Variants in EEF1E1 observed in about 807,000 individuals in gnomAD.
EEF1E1 encodes the protein eukaryotic translation elongation factor 1 epsilon-1.
A neutral mutation model predicts 19.9 loss-of-function variants in EEF1E1; 19 were observed. The observed-to-expected ratio is 0.95, with a 90% CI of 0.66 to 1.40. EEF1E1 has a LOEUF of 1.40. Among genes scored for constraint, EEF1E1 ranks in the 40% most tolerant of loss-of-function variants. The probability of loss-of-function intolerance (pLI) is 0.00; values close to 1 mark genes in which losing one functional copy is unlikely to be tolerated. For synonymous variants in EEF1E1, 81 were observed against 80.0 expected (o/e 1.01, Z -0.07); for missense variants, 198 against 202.2 (o/e 0.98, Z 0.13).
intron 1 of EEF1E1, among the ~76,000 whole-genome samples, chr6:8,101,225 C>CAA (rs778878465): frequency 0.019 from 59 of 3,092 alleles, 10 homozygotes; most frequent in Non-Finnish European, 0.024. Context: ...GACTTTGTCT[C>CAA]AAAAAAAAAA....
chr6:8,095,136 T>G (rs1758130075), intron 2 of EEF1E1, among the ~76,000 whole-genome samples: 1 of 152,148 alleles, frequency 6.6e-6, no homozygotes, highest in African/African-American at 2.4e-5. Context: ...TAACATGTTA[T>G]TAAAAGGAGA....
chr6:8,096,371 G>A (rs1315022035), intron 2 of EEF1E1, among the ~76,000 whole-genome samples: 1 of 152,118 alleles, frequency 6.6e-6, no homozygotes, highest in Non-Finnish European at 1.5e-5. Context: ...CCCTGTGAAT[G>A]ACCAATATGG....
chr6:8,073,705 A>T (rs540704015), intron 3 of EEF1E1, among the ~76,000 whole-genome samples: 27 of 152,368 alleles, frequency 1.8e-4, no homozygotes, highest in African/African-American at 6.5e-4. Flanking sequence ...CATGAAAATT[A>T]AATTGTCAGT....
chr6:8,082,279 T>TATTA (rs1296797614), intron 3 of EEF1E1, among the ~76,000 whole-genome samples: 5 of 152,114 alleles, frequency 3.3e-5, no homozygotes, highest in African/African-American at 1.2e-4. Context: ...ATGATTTATT[T>TATTA]ATTATTATTA....
At chr6:8,084,506 C>T (rs1192750591) in intron 3 of EEF1E1, among the ~76,000 whole-genome samples, 1 of 152,166 alleles carries the variant, frequency 6.6e-6, no homozygotes, top group Non-Finnish European at 1.5e-5. Flanking sequence ...TTATGAGTTA[C>T]ACTTCAGTAT....
In EEF1E1 at chr6:8,079,651, A is replaced by G. The variant is rs1023908133; in HGVS notation, c.*239T>C. The G allele has an allele frequency of 1.7e-6, 2 of 1,178,620 alleles. No individual in the cohort carries two copies. The highest frequency in any genetic ancestry group is 2.1e-6 in the Non-Finnish European group (2 of 951,078). 73.0% of individuals were successfully genotyped at this position (1,178,620 alleles called of 1,614,324 possible). ...AAATAAATGTCATCTACTAAAAACAAGGTTAATTTATAACTGGATCTCAAC... is the reference window on the plus strand; with the variant it reads ...AAATAAATGTCATCTACTAAAAACAGGGTTAATTTATAACTGGATCTCAAC... On this transcript the variant is annotated 3_prime_UTR_variant, in exon 4 of 4. Transcript: ENST00000379715.
rs1411055522 is a variant in EEF1E1 at position 8,098,994 on chromosome 6, G to A, written c.88-1527C>T. Among the ~76,000 whole-genome samples the A allele has an allele frequency of 2.0e-5, 3 of 152,170 alleles. No homozygotes were observed. The South Asian group carries it at 6.2e-4, about 32-fold the overall frequency. On this transcript the variant is annotated intron_variant, in intron 1 of 3. Coordinates refer to ENST00000379715, the MANE Select transcript of EEF1E1 (RefSeq NM_004280.5). Reference sequence around the variant, plus strand: ...TAAGTCATCTCATCCTCATTTTACAGATAATAAAAACCAAGGTTGCTTGGT... The same window carrying A: ...TAAGTCATCTCATCCTCATTTTACAAATAATAAAAACCAAGGTTGCTTGGT...
intron 3 of EEF1E1, among the ~76,000 whole-genome samples, chr6:8,083,909 G>A (rs1292549136): frequency 1.3e-5 from 2 of 152,102 alleles, no homozygotes; most frequent in Non-Finnish European, 2.9e-5. Context: ...GTATGTATTT[G>A]TACCCAACTT....
intron 3 of EEF1E1, among the ~76,000 whole-genome samples, chr6:8,082,637 T>C (rs1006516550): frequency 2.0e-5 from 3 of 152,232 alleles, no homozygotes; most frequent in African/African-American, 4.8e-5. Context: ...AGATGATCTA[T>C]TTTAAGAATG....
intron 3 of EEF1E1, among the ~76,000 whole-genome samples, chr6:8,081,895 C>T (rs1757732035): frequency 6.6e-6 from 1 of 152,194 alleles, no homozygotes; most frequent in South Asian, 2.1e-4. Context: ...CCATTTTAGT[C>T]CTTTCATCGC....
At chr6:8,099,791 CA>C (rs3031799) in intron 1 of EEF1E1, among the ~76,000 whole-genome samples, 8 of 114,690 alleles carry the variant, frequency 7.0e-5, no homozygotes, top group African/African-American at 2.0e-4. Flanking sequence ...CACACACACA[CA>C]AAAAAAAAAC....
In EEF1E1 at chr6:8,097,480, A is replaced by G; in HGVS notation, c.88-13T>C. The G allele has an allele frequency of 6.2e-7, 1 of 1,604,530 alleles. No individual in the cohort carries two copies. Among genetic ancestry groups the G allele is most frequent in the Non-Finnish European group, 8.5e-7 (1 of 1,175,516 alleles). The stretch of plus-strand genomic sequence containing the variant: ...GAAGAACTGGAATCTTAAAAAGAAA[A>G]AAAAGTTCACAGAATTTAAAAAACA... On this transcript the variant is annotated splice_polypyrimidine_tract_variant and intron_variant, in intron 1 of 3. Coordinates refer to ENST00000379715, the MANE Select transcript of EEF1E1 (RefSeq NM_004280.5).
intron 2 of EEF1E1, among the ~76,000 whole-genome samples, chr6:8,091,692 T>G (rs1758014932): frequency 6.6e-6 from 1 of 152,196 alleles, no homozygotes; most frequent in African/African-American, 2.4e-5. Context: ...TTATAGTCAA[T>G]TAAGTGAAAC....
chr6:8,097,508 G>A (rs1221836998), intron 1 of EEF1E1, 41 bp from the exon 2 acceptor site: 1 of 1,533,694 alleles, frequency 6.5e-7, no homozygotes, highest in Admixed American at 1.8e-5. Flanking sequence ...AAAAAACAAG[G>A]ACCACATCAT....
Position 8,079,839 on chromosome 6 carries a change from T to C in EEF1E1, c.*51A>G. 1.3e-6 allele frequency: 2 copies of C among 1,580,802 alleles called. No individual in the cohort carries two copies. The highest frequency in any genetic ancestry group is 1.7e-6 in the Non-Finnish European group (2 of 1,161,192). ...CATTAGTCCTGTGGTCTAGAGTACA[T>C]TTTCCATTTAAAACATTTTTAATAG... is the stretch of plus-strand genomic sequence containing the variant. On this transcript the variant is annotated 3_prime_UTR_variant, in exon 4 of 4. Transcript: ENST00000379715.
intron 2 of EEF1E1, among the ~76,000 whole-genome samples, chr6:8,092,133 GA>G (rs1758027623): frequency 6.6e-6 from 1 of 152,112 alleles, no homozygotes; most frequent in African/African-American, 2.4e-5. Flanking sequence ...CTGCCTCCAG[GA>G]CCTAATCACC....
chr6:8,078,562 C>T (rs916659569), downstream of EEF1E1: 8 of 900,624 alleles, frequency 8.9e-6, no homozygotes, highest in East Asian at 2.1e-4. Context: ...CCAATAGTCT[C>T]GCTCGAAGCA....
intron 1 of EEF1E1, among the ~76,000 whole-genome samples, chr6:8,099,296 G>A (rs139390461): frequency 0.01 from 1,527 of 152,278 alleles, 14 homozygotes; most frequent in Non-Finnish European, 0.016. Context: ...CCTTTTCTAT[G>A]TTTCAGTATA....
At chr6:8,097,005 A>C (rs1284191693) in intron 2 of EEF1E1, among the ~76,000 whole-genome samples, 1 of 152,232 alleles carries the variant, frequency 6.6e-6, no homozygotes, top group African/African-American at 2.4e-5. Context: ...GGAAAAGCAC[A>C]GGGTGCTGTG....
Sources: gnomAD v4.1 joint callset for allele counts (sites outside exome capture counted in the v4.1 genomes callset) on GRCh38, gnomAD v4.1.1 for gene constraint, MANE v1.5 for transcripts, NCBI Gene and HGNC (gene_info 2026-07-23, HGNC 2026-07-21) for gene names.